The following FER variants were observed in gnomAD, a reference collection of about 807,000 sequenced individuals.
FER encodes the protein tyrosine-protein kinase Fer.
Under a neutral mutation model 111.0 loss-of-function variants are expected in FER, and 63 were observed. The observed-to-expected ratio is 0.57, with a 90% confidence interval of 0.46 to 0.70. The LOEUF is 0.70. Among genes scored for constraint, FER ranks in the 30% least tolerant of loss-of-function variants. FER has a pLI of 0.00. For synonymous variants in FER, 327 were observed against 313.9 expected (o/e 1.04, Z -0.44); for missense variants, 914 against 954.0 (o/e 0.96, Z 0.55).
At chr5:109,045,081 TATG>T (rs1232248894) in intron 15 of FER, among the ~76,000 whole-genome samples, 1 of 151,918 alleles carries the variant, frequency 6.6e-6, no homozygotes, top group Non-Finnish European at 1.5e-5. Flanking sequence ...ATACTGTGCT[TATG>T]ATAAAAATAT....
In FER at chr5:108,954,947, T is replaced by G. The variant is rs776215121; in HGVS notation, c.1533+15T>G. On this transcript the variant is annotated intron_variant, in intron 12 of 19. Transcript: ENST00000281092. ...AATATGTTGATGTACGTTTCCAGTT[T>G]AGTTCATATGTATATTTTGATGTAG... 10 of 1,593,342 alleles carry G rather than the reference T, an allele frequency of 6.3e-6. No individual in the cohort carries two copies. Among genetic ancestry groups the G allele is most frequent in the Non-Finnish European group, 1.7e-6 (2 of 1,167,074 alleles).
Position 109,060,787 on chromosome 5 carries a change from T to TATATATATATAC in FER, c.1924+13590_1924+13591insTATATATATACA, listed in dbSNP as rs571418220. Among the ~76,000 whole-genome samples the TATATATATATAC allele has an allele frequency of 6.1e-3, 918 of 149,776 alleles. 6 individuals are homozygous for TATATATATATAC. The highest frequency in any genetic ancestry group is 0.012 in the African/African-American group (475 of 41,024). On this transcript the variant is annotated intron_variant, in intron 16 of 19. Transcript: ENST00000281092. The stretch of plus-strand genomic sequence containing the variant: ...GTGTGTGTGTGTATATATATATATA[T>TATATATATATAC]ACACACCAAACACACATATGTAAAC...
intron 17 of FER, among the ~76,000 whole-genome samples, chr5:109,118,988 T>C (rs1356178139): frequency 6.6e-6 from 1 of 151,894 alleles, no homozygotes; most frequent in Non-Finnish European, 1.5e-5. Context: ...TTTTGAAGGG[T>C]TTTTTGTGTC....
intron 9 of FER, among the ~76,000 whole-genome samples, chr5:108,888,663 G>T (rs1389894027): frequency 6.6e-6 from 1 of 151,786 alleles, no homozygotes; most frequent in African/African-American, 2.4e-5. Flanking sequence ...TGTATTGCTT[G>T]TTTGCTCAAT....
intron 10 of FER, among the ~76,000 whole-genome samples, chr5:108,905,708 A>G (rs1750663039): frequency 6.6e-6 from 1 of 152,164 alleles, no homozygotes; most frequent in African/African-American, 2.4e-5. Context: ...ACTTGTATGT[A>G]TTTATACATT....
intron 11 of FER, among the ~76,000 whole-genome samples, chr5:108,947,284 A>G (rs753832353): frequency 1.3e-5 from 2 of 152,034 alleles, no homozygotes; most frequent in Non-Finnish European, 2.9e-5. Context: ...ACTGTTTTTC[A>G]TGGTAATTAT....
chr5:108,956,089 A>G (rs76546647), intron 12 of FER, among the ~76,000 whole-genome samples: 2 of 151,690 alleles, frequency 1.3e-5, no homozygotes, highest in Non-Finnish European at 3.0e-5. Context: ...TCAGACCTCA[A>G]CTTGATAATC....
At chr5:108,789,627 A>T (rs1034756910) in intron 2 of FER, among the ~76,000 whole-genome samples, 18 of 146,334 alleles carry the variant, frequency 1.2e-4, no homozygotes, top group Admixed American at 2.7e-4. Flanking sequence ...TTTTTTTTTT[A>T]AAAGACAGTG....
chr5:108,946,316 GTATA>G (rs1341382500), intron 11 of FER, 94 bp downstream of exon 11: 6 of 694,620 alleles, frequency 8.6e-6, no homozygotes, highest in Admixed American at 5.0e-5. Context: ...GTGTGTGTGT[GTATA>G]TATATGTATA....
chr5:109,052,177 G>T (rs1772928648), intron 16 of FER: 46 of 1,608,344 alleles, frequency 2.9e-5, no homozygotes, highest in Non-Finnish European at 3.8e-5. Flanking sequence ...GAACACATGA[G>T]CCAGGTACAA....
intron 11 of FER, among the ~76,000 whole-genome samples, chr5:108,947,808 C>T (rs1026299987): frequency 5.9e-5 from 9 of 151,358 alleles, no homozygotes; most frequent in African/African-American, 2.2e-4. Context: ...TTTTATTCTT[C>T]CACTTATATC....
intron 17 of FER, among the ~76,000 whole-genome samples, chr5:109,137,435 A>G (rs1753017267): frequency 6.6e-6 from 1 of 152,222 alleles, no homozygotes; most frequent in Non-Finnish European, 1.5e-5. Flanking sequence ...CTATTCACAT[A>G]TCACCAAAGA....
At chr5:108,963,418 C>T (rs1378697555) in intron 13 of FER, among the ~76,000 whole-genome samples, 1 of 151,860 alleles carries the variant, frequency 6.6e-6, no homozygotes, top group Non-Finnish European at 1.5e-5. Flanking sequence ...AAAAATTAGC[C>T]AGGTGTGGTG....
At chr5:109,025,593 C>G (rs1258423049) in intron 13 of FER, among the ~76,000 whole-genome samples, 1 of 150,926 alleles carries the variant, frequency 6.6e-6, no homozygotes, top group Non-Finnish European at 1.5e-5. Flanking sequence ...TCCTCTTTTC[C>G]TAATTGAATA....
intron 18 of FER, among the ~76,000 whole-genome samples, chr5:109,183,602 C>T (rs1758534816): frequency 6.6e-6 from 1 of 152,128 alleles, no homozygotes; most frequent in Non-Finnish European, 1.5e-5. Context: ...ACTCTTGTCT[C>T]ACTCAGAATA....
chr5:108,877,537 T>C (rs57719993), intron 8 of FER, among the ~76,000 whole-genome samples: 1 of 152,080 alleles, frequency 6.6e-6, no homozygotes, highest in Non-Finnish European at 1.5e-5. Context: ...ATGGTATAGA[T>C]TGTCATCCAT....
intron 13 of FER, among the ~76,000 whole-genome samples, chr5:109,022,001 AC>A (rs1031808237): frequency 6.6e-6 from 1 of 152,074 alleles, no homozygotes; most frequent in African/African-American, 2.4e-5. Context: ...TAAAAAGGAA[AC>A]AAGCAAAGTA....
At chr5:108,966,490 C>A (rs560919346) in intron 13 of FER, among the ~76,000 whole-genome samples, 1 of 150,410 alleles carries the variant, frequency 6.6e-6, no homozygotes, top group Non-Finnish European at 1.5e-5. Flanking sequence ...TGGGTTCAAG[C>A]AATTCTCCTG....
At chr5:108,839,169 A>T (rs2150148645) in intron 5 of FER, among the ~76,000 whole-genome samples, 1 of 152,312 alleles carries the variant, frequency 6.6e-6, no homozygotes, top group East Asian at 1.9e-4. Flanking sequence ...ATAGACGGGA[A>T]ATCACCTTTA....
Sources: allele counts gnomAD v4.1 joint callset (sites outside exome capture counted in the v4.1 genomes callset), GRCh38; gene constraint gnomAD v4.1.1; transcripts MANE v1.5; gene names NCBI Gene and HGNC (gene_info 2026-07-23, HGNC 2026-07-21).